The following TMEM25 variants were observed in gnomAD, a reference collection of about 807,000 sequenced individuals.
The protein encoded by TMEM25 is transmembrane protein 25.
A neutral mutation model predicts 37.0 loss-of-function variants in TMEM25; 36 were observed. That is an observed-to-expected ratio of 0.97 (90% confidence interval 0.75 to 1.28). The LOEUF is 1.28. Ranked by LOEUF, TMEM25 falls within the 50% of genes most tolerant of loss-of-function variation. TMEM25 has a pLI of 0.00. For synonymous variants in TMEM25, 197 were observed against 203.7 expected, an observed-to-expected ratio of 0.97 and a Z score of 0.28; for missense variants, 444 against 477.9, an observed-to-expected ratio of 0.93 and a Z score of 0.66.
intron 8 of TMEM25, chr11:118,546,096 C>T (rs1951677789): frequency 2.8e-6 from 2 of 718,228 alleles, no homozygotes; most frequent in Admixed American, 4.0e-5. Flanking sequence ...GGCCTTAATC[C>T]AGTATGACTG....
chr11:118,540,180 G>T (rs1029786307), downstream of TMEM25, among the ~76,000 whole-genome samples: 15 of 150,902 alleles, frequency 9.9e-5, no homozygotes, highest in African/African-American at 3.6e-4. Flanking sequence ...CGCAATCTCG[G>T]CTCACTGCAA....
downstream of TMEM25, among the ~76,000 whole-genome samples, chr11:118,539,369 T>C (rs1240085182): frequency 1.3e-5 from 2 of 152,058 alleles, no homozygotes; most frequent in African/African-American, 4.8e-5. Context: ...GGTTTCACCA[T>C]GTTGGCCAGG....
chr11:118,533,969 G>C, intron 6 of TMEM25, 60 bp from the exon 7 acceptor site: 2 of 1,613,856 alleles, frequency 1.2e-6, no homozygotes, highest in Non-Finnish European at 1.7e-6. Flanking sequence ...TTCTGGTAGA[G>C]GCAGCCATGA....
downstream of TMEM25, among the ~76,000 whole-genome samples, chr11:118,537,089 C>T (rs376673471): frequency 6.6e-6 from 1 of 152,144 alleles, no homozygotes; most frequent in Non-Finnish European, 1.5e-5. Flanking sequence ...GCCTGTAATC[C>T]TAGCACTTTG....
rs897341028 is a variant in TMEM25 at position 118,534,325 on chromosome 11, C to G, written c.997C>G (p.Pro333Ala). 14 of 1,613,996 alleles carry G rather than the reference C, an allele frequency of 8.7e-6. No individual in the cohort carries two copies. In the African/African-American group the frequency reaches 1.1e-4, roughly 12 times the overall value. ...CAACAGCCGGCCAGAGCTTCTGGACCCGGAGCCCGGCGGCCTCCTCACCAG... is the reference window on the plus strand; with the variant it reads ...CAACAGCCGGCCAGAGCTTCTGGACGCGGAGCCCGGCGGCCTCCTCACCAG... ...QNNSRPELLD[P>A]EPGGLLTSQG... Residue 333 changes from proline (P) to alanine (A), a missense_variant, in exon 8 of 9, where the codon CCG becomes GCG. By Grantham distance (27) the Pro-to-Ala change is conservative. Transcript: ENST00000313236. This position sits in a 1 kb window ranked among gnomAD's most constrained non-coding sequence, Gnocchi z 4.6.
chr11:118,545,275 T>G, intron 8 of TMEM25: 1 of 783,286 alleles, frequency 1.3e-6, no homozygotes, highest in Non-Finnish European at 2.1e-6. Context: ...GCTCTCCTAA[T>G]TATGGGAAAG....
chr11:118,536,463 G>C (rs1555063567), downstream of TMEM25, among the ~76,000 whole-genome samples: 1 of 152,180 alleles, frequency 6.6e-6, no homozygotes, highest in African/African-American at 2.4e-5. Context: ...AAAGTGCTGG[G>C]ATTACAGGCA....
Position 118,535,454 on chromosome 11 carries a change from CTGGGATT to C in TMEM25, c.*875_*881del. Reference sequence around the variant, plus strand: ...TTGTGGCTTCCCCACGTTTGGCCTTCTGGGATTCACTGTGAGTGTCCTGAGCTCTCGG... The same window carrying C: ...TTGTGGCTTCCCCACGTTTGGCCTTCCACTGTGAGTGTCCTGAGCTCTCGG... On this transcript the variant is annotated 3_prime_UTR_variant, in exon 9 of 9. Coordinates refer to ENST00000313236, the MANE Select transcript of TMEM25 (RefSeq NM_032780.4). 6.7e-7 allele frequency: 1 copy of C among 1,491,932 alleles called. No individual in the cohort carries two copies. The highest frequency in any genetic ancestry group is 8.9e-7 in the Non-Finnish European group (1 of 1,119,784). The allele number at this position is 1,491,932 out of a possible 1,614,324, so 92.4% of individuals were successfully genotyped here. A position where few individuals can be genotyped will look rare whatever the true frequency, so the allele number is the denominator to read the frequency against.
In TMEM25 at chr11:118,534,247, T is replaced by C; in HGVS notation, c.938-19T>C. The C allele has an allele frequency of 1.2e-6, 2 of 1,614,206 alleles. No homozygotes were observed. Among genetic ancestry groups the C allele is most frequent in the African/African-American group, 1.3e-5 (1 of 75,058 alleles). Reference sequence around the variant, plus strand: ...CAGGCACACTCCTCGTCCTGAACACTGCCCTCTTTGTCAACCAGCAGTGAA... The same window carrying C: ...CAGGCACACTCCTCGTCCTGAACACCGCCCTCTTTGTCAACCAGCAGTGAA... On this transcript the variant is annotated intron_variant, in intron 7 of 8. Transcript: ENST00000313236. The surrounding 1 kb of genome is among the most constrained non-coding windows in gnomAD (Gnocchi z 4.6).
chr11:118,546,009 TG>T, intron 8 of TMEM25: 1 of 718,338 alleles, frequency 1.4e-6, no homozygotes, highest in Middle Eastern at 2.3e-4. Context: ...CCTAACTCCC[TG>T]TACTTCAGAA....
chr11:118,531,684 G>A (rs1350347717), intron 1 of TMEM25, 91 bp from the exon 2 acceptor site: 8 of 1,019,140 alleles, frequency 7.8e-6, no homozygotes, highest in African/African-American at 1.6e-5. Context: ...TTCCGTACAT[G>A]GTTCTTTTTG....
At chr11:118,532,758 C>T in intron 3 of TMEM25, 159 bp from the exon 4 acceptor site, 2 of 1,062,648 alleles carry the variant, frequency 1.9e-6, no homozygotes, top group Non-Finnish European at 2.7e-6. Flanking sequence ...CTCATAATCA[C>T]TCCGAAATGC....
chr11:118,532,018 G>T (rs1463479009), intron 2 of TMEM25, 132 bp from the exon 3 acceptor site: 47 of 1,360,408 alleles, frequency 3.5e-5, no homozygotes, highest in Non-Finnish European at 4.3e-5. Flanking sequence ...GGTCCAACCA[G>T]CCAGTCCCTG....
rs116534318 is a variant in TMEM25 at position 118,544,779 on chromosome 11, G to C, written c.1028-1340G>C. ...AACATGTTCTGTGCCCTCTGGCAGAGAGGGCAGCAGGACATGCACTGCCCC... is the reference window on the plus strand; with the variant it reads ...AACATGTTCTGTGCCCTCTGGCAGACAGGGCAGCAGGACATGCACTGCCCC... On this transcript the variant is annotated intron_variant, in intron 8 of 8. Coordinates refer to the TMEM25 transcript ENST00000354284. 5.1e-4 allele frequency: 329 copies of C among 647,610 alleles called. No homozygotes were observed. The African/African-American group carries it at 5.1e-3, about 10-fold the overall frequency. The allele number at this position is 647,610 out of a possible 1,614,324, so 40.1% of individuals were successfully genotyped here. A position where few individuals can be genotyped will look rare whatever the true frequency, so the allele number is the denominator to read the frequency against.
chr11:118,533,955 G>C, intron 6 of TMEM25, 68 bp downstream of exon 6: 1 of 1,613,948 alleles, frequency 6.2e-7, no homozygotes. Flanking sequence ...AGGGAGCCTG[G>C]GGTTTCTGGT....
At chr11:118,536,929 C>CT (rs1230285592), downstream of TMEM25, among the ~76,000 whole-genome samples, 1 of 152,168 alleles carries the variant, frequency 6.6e-6, no homozygotes, top group Non-Finnish European at 1.5e-5. Flanking sequence ...GGCTGGAGTG[C>CT]AGTGGTGCAA....
intron 8 of TMEM25, chr11:118,544,805 T>C: frequency 1.3e-6 from 1 of 764,066 alleles, no homozygotes; most frequent in Admixed American, 2.1e-5. Flanking sequence ...GCACTGCCCC[T>C]GAGCCAAGCT....
At chr11:118,542,247 C>A (rs973533835) in intron 8 of TMEM25, among the ~76,000 whole-genome samples, 1 of 152,114 alleles carries the variant, frequency 6.6e-6, no homozygotes, top group African/African-American at 2.4e-5. Context: ...GCTGGACATG[C>A]TAAGTCAGGT....
In TMEM25 at chr11:118,531,196, C is replaced by A; in HGVS notation, c.-66C>A. ...CAGCGGACTGCGGTGCTCATCAGAC[C>A]TGAGCAGTTGCTCCGGCGGCGCTCG... On this transcript the variant is annotated 5_prime_UTR_variant, in exon 1 of 9. The change creates a new upstream start codon in the 5' untranslated region. Transcript: ENST00000313236. The A allele has an allele frequency of 1.9e-6, 1 of 539,158 alleles. No homozygotes were observed. Among genetic ancestry groups the A allele is most frequent in the Non-Finnish European group, 3.3e-6 (1 of 304,986 alleles). The allele number at this position is 539,158 out of a possible 1,614,324, so 33.4% of individuals were successfully genotyped here. A position where few individuals can be genotyped will look rare whatever the true frequency, so the allele number is the denominator to read the frequency against.
Sources: allele counts gnomAD v4.1 joint callset (sites outside exome capture counted in the v4.1 genomes callset), GRCh38; gene constraint gnomAD v4.1.1; non-coding constraint Gnocchi (gnomAD v3.1); transcripts MANE v1.5; gene names NCBI Gene and HGNC (gene_info 2026-07-23, HGNC 2026-07-21).